The following LRIG3 variants were observed in gnomAD, a reference collection of about 807,000 sequenced individuals.
LRIG3 encodes leucine rich repeats and immunoglobulin like domains 3, also known as leucine-rich repeats and immunoglobulin-like domains protein 3.
A neutral mutation model predicts 114.5 loss-of-function variants in LRIG3; 76 were observed. The observed-to-expected ratio is 0.66, with a 90% confidence interval of 0.55 to 0.80. The LOEUF (loss-of-function observed/expected upper bound fraction) is 0.80. Ranked by LOEUF, LRIG3 falls within the 30% of genes least tolerant of loss-of-function variation. The pLI is 0.00. For missense variants in LRIG3, 1,239 were observed against 1,382.8 expected (o/e 0.90, Z 1.65); for synonymous variants, 512 against 519.8 (o/e 0.98, Z 0.20).
chr12:58,888,206 G>T, intron 7 of LRIG3, 123 bp downstream of exon 7: 1 of 1,212,446 alleles, frequency 8.2e-7, no homozygotes, highest in South Asian at 1.7e-5. Context: ...TAGGTTGCAT[G>T]TGAAAAAAGC....
At chr12:58,901,919 C>T (rs887719422) in intron 3 of LRIG3, among the ~76,000 whole-genome samples, 7 of 152,204 alleles carry the variant, frequency 4.6e-5, no homozygotes, top group Non-Finnish European at 1.0e-4. Flanking sequence ...CCAGGGATTT[C>T]TCTACAGAGA....
chr12:58,888,011 T>A (rs993988323), intron 7 of LRIG3, 79 bp from the exon 8 acceptor site: 1 of 1,298,826 alleles, frequency 7.7e-7, no homozygotes, highest in African/African-American at 1.5e-5. Flanking sequence ...AGACAGGTAC[T>A]GTATGAGCTA....
intron 3 of LRIG3, among the ~76,000 whole-genome samples, chr12:58,900,236 C>T (rs893723050): frequency 1.3e-5 from 2 of 151,634 alleles, no homozygotes; most frequent in Non-Finnish European, 1.5e-5. Flanking sequence ...TCTGCACTCC[C>T]ATCTTTATAG....
intron 3 of LRIG3, among the ~76,000 whole-genome samples, chr12:58,907,891 T>C (rs1423198849): frequency 2.0e-5 from 3 of 152,212 alleles, no homozygotes; most frequent in South Asian, 4.1e-4. Context: ...CTCGCTAAGA[T>C]AAAAGTTGGA....
chr12:58,885,080 C>G (rs139605322), intron 10 of LRIG3, among the ~76,000 whole-genome samples: 1 of 152,130 alleles, frequency 6.6e-6, no homozygotes, highest in African/African-American at 2.4e-5. Context: ...CTAGGAGCTA[C>G]TGGGAGTAGC....
At chr12:58,918,225 T>G (rs747777752) in intron 1 of LRIG3, among the ~76,000 whole-genome samples, 24 of 152,236 alleles carry the variant, frequency 1.6e-4, no homozygotes, top group Non-Finnish European at 3.2e-4. Context: ...AATTTACTGC[T>G]GGTGGAAATG....
rs1871720001 is a variant in LRIG3, at chr12:58,898,389, A to C, written c.384-7593T>G. Reference sequence around the variant, plus strand: ...CACTGCAAATGACCAGATTTGTTGCAGAGAAGTCATACAACTGCATCATGT... The same window carrying C: ...CACTGCAAATGACCAGATTTGTTGCCGAGAAGTCATACAACTGCATCATGT... On this transcript the variant is annotated intron_variant, in intron 3 of 18. Transcript: ENST00000320743. 1.3e-5 allele frequency among the ~76,000 whole-genome samples: 2 copies of C among 152,216 alleles called. 1 individual carries two copies. The highest frequency in any genetic ancestry group is 4.1e-4 in the South Asian group (2 of 4,830).
At chr12:58,897,326 A>T (rs1487530494) in intron 3 of LRIG3, among the ~76,000 whole-genome samples, 1 of 152,236 alleles carries the variant, frequency 6.6e-6, no homozygotes, top group Non-Finnish European at 1.5e-5. Context: ...GGTCAACATA[A>T]AATATAATTA....
intron 3 of LRIG3, among the ~76,000 whole-genome samples, chr12:58,895,428 T>C (rs1350435573): frequency 1.3e-5 from 2 of 152,132 alleles, no homozygotes; most frequent in African/African-American, 4.8e-5. Context: ...TAGAGGCTAG[T>C]GCTCTAAGCC....
intron 9 of LRIG3, among the ~76,000 whole-genome samples, chr12:58,886,305 G>A (rs1056514479): frequency 6.6e-6 from 1 of 152,034 alleles, no homozygotes. Context: ...ACTATAGGGA[G>A]CTGAATTTGA....
intron 3 of LRIG3, among the ~76,000 whole-genome samples, chr12:58,903,018 C>T (rs1462101091): frequency 3.3e-5 from 5 of 152,014 alleles, no homozygotes; most frequent in African/African-American, 9.7e-5. Flanking sequence ...TGAATAGTGC[C>T]GCAATAAACA....
intron 3 of LRIG3, among the ~76,000 whole-genome samples, chr12:58,897,670 A>G (rs1871691656): frequency 6.6e-6 from 1 of 152,208 alleles, no homozygotes; most frequent in African/African-American, 2.4e-5. Flanking sequence ...TTGATCTCCA[A>G]GTATAAATTC....
Position 58,878,921 on chromosome 12 carries a change from A to G in LRIG3, c.1986T>C (p.Phe662=). The change falls in exon 14 of 19, where the codon TTT becomes TTC. Residue 662 remains phenylalanine (F), a synonymous_variant. Coordinates refer to ENST00000320743, the MANE Select transcript of LRIG3 (RefSeq NM_153377.5). ...TGTCCTCTATCTTCACATCCACGAT[A>G]AAGAACACGTCATCCTCGGGCATCA... ...MHVMPEDDVF[F]IVDVKIEDIG... is the part of the protein sequence containing the mutation. 1 of 1,614,224 alleles carries G rather than the reference A, an allele frequency of 6.2e-7. No homozygotes were observed. The highest frequency in any genetic ancestry group is 8.5e-7 in the Non-Finnish European group (1 of 1,180,044).
intron 18 of LRIG3, 75 bp from the exon 19 acceptor site, chr12:58,872,891 A>T (rs1368688033): frequency 6.5e-7 from 1 of 1,539,092 alleles, no homozygotes; most frequent in Non-Finnish European, 8.7e-7. Context: ...TTGCAAATGA[A>T]GGAACATCTT....
chr12:58,908,426 A>G (rs1872150212), intron 3 of LRIG3, among the ~76,000 whole-genome samples: 1 of 152,142 alleles, frequency 6.6e-6, no homozygotes, highest in South Asian at 2.1e-4. Context: ...AAAAAGCTGT[A>G]TGCCTGAACA....
rs1436440632 is a variant in LRIG3 at position 58,882,853 on chromosome 12, C to T, written c.1480+16G>A. On this transcript the variant is annotated intron_variant, in intron 12 of 18. Transcript: ENST00000320743. ...AAGAAGAATAAATAAAAGGCAAGGG[C>T]AATACTTATACTCACCACACACAAA... is the stretch of plus-strand genomic sequence containing the variant. The T allele has an allele frequency of 6.3e-7, 1 of 1,593,852 alleles. No individual in the cohort carries two copies. The highest frequency in any genetic ancestry group is 8.5e-7 in the Non-Finnish European group (1 of 1,170,212).
intron 1 of LRIG3, chr12:58,919,456 G>A: frequency 1.3e-6 from 2 of 1,551,600 alleles, no homozygotes; most frequent in East Asian, 2.4e-5. Flanking sequence ...GCAAGCAGAG[G>A]GAGAACAACA....
chr12:58,908,238 C>T (rs1872140705), intron 3 of LRIG3, among the ~76,000 whole-genome samples: 1 of 152,176 alleles, frequency 6.6e-6, no homozygotes, highest in South Asian at 2.1e-4. Flanking sequence ...ATGACACCAG[C>T]AAGGTACTTT....
chr12:58,903,644 C>A (rs984803477), intron 3 of LRIG3, among the ~76,000 whole-genome samples: 5 of 151,836 alleles, frequency 3.3e-5, no homozygotes, highest in African/African-American at 1.2e-4. Context: ...CTTGCCCATG[C>A]CTATGTCCTG....
Sources: gnomAD v4.1 joint callset for allele counts (sites outside exome capture counted in the v4.1 genomes callset) on GRCh38, gnomAD v4.1.1 for gene constraint, MANE v1.5 for transcripts, NCBI Gene and HGNC (gene_info 2026-07-23, HGNC 2026-07-21) for gene names.